CDH18: variants seen among roughly 807,000 people sequenced by gnomAD.
The protein encoded by CDH18 is cadherin 18.
Under a neutral mutation model 67.9 loss-of-function variants are expected in CDH18, and 31 were observed. The observed-to-expected ratio is 0.46, with a 90% CI of 0.34 to 0.62. CDH18 has a LOEUF of 0.62. CDH18 is among the 20% of genes least tolerant of loss of function. CDH18 has a pLI of 0.01. For synonymous variants in CDH18, 362 were observed against 347.2 expected (o/e 1.04, Z -0.48); for missense variants, 890 against 975.5 (o/e 0.91, Z 1.17).
intron 2 of CDH18, among the ~76,000 whole-genome samples, chr5:20,132,791 C>T (rs997621464): frequency 6.6e-5 from 10 of 152,162 alleles, no homozygotes; most frequent in African/African-American, 2.4e-4. Context: ...GGCCATTTCA[C>T]TTCTTGATAT....
chr5:20,296,748 A>G (rs977450576), intron 1 of CDH18, among the ~76,000 whole-genome samples: 1 of 151,836 alleles, frequency 6.6e-6, no homozygotes, highest in Non-Finnish European at 1.5e-5. Flanking sequence ...AATTTTATAC[A>G]CATTTTAAAT....
chr5:19,968,877 A>G (rs1352467036), intron 2 of CDH18, among the ~76,000 whole-genome samples: 1 of 144,354 alleles, frequency 6.9e-6, no homozygotes, highest in Non-Finnish European at 1.5e-5. Flanking sequence ...TCTGCACAGC[A>G]AAAGAAACTA....
chr5:20,439,865 T>A (rs933270224), intron 1 of CDH18, among the ~76,000 whole-genome samples: 1 of 151,822 alleles, frequency 6.6e-6, no homozygotes, highest in Non-Finnish European at 1.5e-5. Flanking sequence ...TATTTGAAAT[T>A]TATTATACGG....
At chr5:19,564,080 T>C (rs1028049427) in intron 8 of CDH18, among the ~76,000 whole-genome samples, 1 of 152,160 alleles carries the variant, frequency 6.6e-6, no homozygotes, top group African/African-American at 2.4e-5. Flanking sequence ...AAAACCTGAG[T>C]TCTGGCTAGC....
chr5:19,716,520 T>A (rs1443798993), intron 5 of CDH18, among the ~76,000 whole-genome samples: 1 of 152,066 alleles, frequency 6.6e-6, no homozygotes, highest in Non-Finnish European at 1.5e-5. Flanking sequence ...TCTGACTGTG[T>A]CTTTGAAACT....
intron 2 of CDH18, among the ~76,000 whole-genome samples, chr5:19,889,978 C>G (rs1329331276): frequency 6.6e-6 from 1 of 152,122 alleles, no homozygotes. Context: ...ATCTAAGAAT[C>G]TTCTGAAGAT....
At chr5:20,245,106 CTT>C (rs1465961213) in intron 2 of CDH18, among the ~76,000 whole-genome samples, 1 of 152,046 alleles carries the variant, frequency 6.6e-6, no homozygotes, top group African/African-American at 2.4e-5. Context: ...TATAAAATGG[CTT>C]TTCTTTTCCT....
chr5:20,450,923 G>C (rs2150206826), intron 1 of CDH18, among the ~76,000 whole-genome samples: 1 of 152,310 alleles, frequency 6.6e-6, no homozygotes, highest in Admixed American at 6.5e-5. Context: ...CAGCAGGCAA[G>C]AGAGCATGTG....
At chr5:20,160,316 C>T (rs1228394246) in intron 2 of CDH18, among the ~76,000 whole-genome samples, 2 of 152,116 alleles carry the variant, frequency 1.3e-5, no homozygotes, top group African/African-American at 2.4e-5. Flanking sequence ...AAGACTAATC[C>T]AAGAAACTTT....
At chr5:19,942,849 G>A (rs1013080684) in intron 2 of CDH18, among the ~76,000 whole-genome samples, 5 of 152,122 alleles carry the variant, frequency 3.3e-5, no homozygotes, top group Admixed American at 1.3e-4. Context: ...AGCAGCAGTC[G>A]AGGAAGCAGC....
rs189632743 is a variant in CDH18, at chr5:19,884,686, C to A, written c.-256-45444G>T. 2.1e-3 allele frequency among the ~76,000 whole-genome samples: 314 copies of A among 151,904 alleles called. 4 individuals are homozygous for A. The highest frequency in any genetic ancestry group is 6.6e-3 in the African/African-American group (274 of 41,490). Reference sequence around the variant, plus strand: ...AAACGTTTTAAATACTTGTAACAATCCTGTGTTTTTAAAAAAAGTATTGGT... The same window carrying A: ...AAACGTTTTAAATACTTGTAACAATACTGTGTTTTTAAAAAAAGTATTGGT... On this transcript the variant is annotated intron_variant, in intron 2 of 12. Coordinates refer to ENST00000382275, the MANE Select transcript of CDH18 (RefSeq NM_004934.5).
intron 2 of CDH18, among the ~76,000 whole-genome samples, chr5:19,872,125 A>C (rs1876603): frequency 0.49 from 74,727 of 151,890 alleles, 18,606 homozygotes; most frequent in Middle Eastern, 0.65. Flanking sequence ...TCATAGTCTT[A>C]TTCAAATGAA....
chr5:19,604,324 T>G (rs1747668368), intron 6 of CDH18, among the ~76,000 whole-genome samples: 1 of 152,064 alleles, frequency 6.6e-6, no homozygotes, highest in African/African-American at 2.4e-5. Flanking sequence ...TTGTTAGAAC[T>G]ATTTACTATT....
chr5:20,554,437 C>A (rs1757795778), intron 1 of CDH18, among the ~76,000 whole-genome samples: 1 of 152,084 alleles, frequency 6.6e-6, no homozygotes. Context: ...TCTCTATTTC[C>A]TCACCTCCCA....
chr5:19,779,627 GT>G lies in CDH18; in HGVS notation c.229-32392del, dbSNP rs1262884814. Among the ~76,000 whole-genome samples, 5 of 152,218 alleles carry G rather than the reference GT, an allele frequency of 3.3e-5. No individual in the cohort carries two copies. The East Asian group carries it at 7.7e-4, about 24-fold the overall frequency. ...TGGAAGGAATTCAGAATTCGCCACA[GT>G]TTTTTTCTTAATGTCCTGTACCAAA... is the stretch of plus-strand genomic sequence containing the variant. On this transcript the variant is annotated intron_variant, in intron 3 of 12. Transcript: ENST00000382275.
intron 2 of CDH18, among the ~76,000 whole-genome samples, chr5:20,254,610 C>G (rs1440835971): frequency 6.6e-6 from 1 of 152,154 alleles, no homozygotes; most frequent in Non-Finnish European, 1.5e-5. Flanking sequence ...GGCTACCACA[C>G]TCGCGACAGA....
chr5:20,122,020 G>A (rs1364064089), intron 2 of CDH18, among the ~76,000 whole-genome samples: 1 of 152,170 alleles, frequency 6.6e-6, no homozygotes, highest in Non-Finnish European at 1.5e-5. Flanking sequence ...GAACAGCACT[G>A]TTGATCCCTC....
intron 2 of CDH18, among the ~76,000 whole-genome samples, chr5:19,870,274 G>T (rs1018737261): frequency 3.9e-5 from 6 of 152,028 alleles, no homozygotes; most frequent in African/African-American, 1.4e-4. Flanking sequence ...AAAGAGAGTG[G>T]ATTCTCACTG....
At chr5:20,543,831 C>T (rs1757188096) in intron 1 of CDH18, among the ~76,000 whole-genome samples, 1 of 152,066 alleles carries the variant, frequency 6.6e-6, no homozygotes, top group Non-Finnish European at 1.5e-5. Flanking sequence ...TGCCATGATT[C>T]TATGTATATT....
Sources: allele counts gnomAD v4.1 joint callset (sites outside exome capture counted in the v4.1 genomes callset), GRCh38; gene constraint gnomAD v4.1.1; transcripts MANE v1.5; gene names NCBI Gene and HGNC (gene_info 2026-07-23, HGNC 2026-07-21).